ZNF892: variants seen among roughly 807,000 people sequenced by gnomAD.
The protein encoded by ZNF892 is zinc finger protein 570-like.
the ZNF892 span, among the ~76,000 whole-genome samples, chr2:95,210,329 A>G: frequency 6.6e-6 from 1 of 151,930 alleles, no homozygotes; most frequent in Non-Finnish European, 1.5e-5. Context: ...AAACTGATTC[A>G]TTTGCTAACC....
chr2:95,220,212 G>A, the ZNF892 span, among the ~76,000 whole-genome samples: 11 of 152,178 alleles, frequency 7.2e-5, no homozygotes, highest in African/African-American at 2.2e-4. Flanking sequence ...AAGTATAGGC[G>A]TTTGTTGGCG....
chr2:95,225,747 C>T, the ZNF892 span, among the ~76,000 whole-genome samples: 1 of 152,214 alleles, frequency 6.6e-6, no homozygotes, highest in African/African-American at 2.4e-5. Context: ...CCCAGAGTCT[C>T]ATCTAAAATC....
the ZNF892 span, among the ~76,000 whole-genome samples, chr2:95,225,405 C>T: frequency 1.6e-4 from 25 of 152,104 alleles, no homozygotes; most frequent in Admixed American, 4.6e-4. Context: ...CTGATGAGGC[C>T]CTCCTTGCAG....
At chr2:95,238,771 C>T in the ZNF892 span, among the ~76,000 whole-genome samples, 2 of 152,136 alleles carry the variant, frequency 1.3e-5, no homozygotes, top group South Asian at 4.1e-4. Flanking sequence ...TCATGGATGA[C>T]TTTGCAGGGT....
chr2:95,221,978 T>TCTTTCTTCCTCCCTTCTTC, the ZNF892 span, among the ~76,000 whole-genome samples: 4 of 152,140 alleles, frequency 2.6e-5, no homozygotes, highest in Non-Finnish European at 5.9e-5. Flanking sequence ...CACCCCTTTC[T>TCTTTCTTCCTCCCTTCTTC]CTTTCTTCCT....
chr2:95,257,938 G>A, the ZNF892 span, among the ~76,000 whole-genome samples: 30 of 152,318 alleles, frequency 2.0e-4, no homozygotes, highest in Admixed American at 1.8e-3. Flanking sequence ...TAGGGTGGGA[G>A]TGACCCTATT....
chr2:95,237,461 T>G, the ZNF892 span, among the ~76,000 whole-genome samples: 380 of 152,306 alleles, frequency 2.5e-3, 15 homozygotes, highest in East Asian at 0.07. Flanking sequence ...GATAAATGTG[T>G]GTTCTGACTG....
the ZNF892 span, among the ~76,000 whole-genome samples, chr2:95,261,231 A>T: frequency 6.6e-6 from 1 of 151,794 alleles, no homozygotes; most frequent in African/African-American, 2.4e-5. Flanking sequence ...GATGACTGAC[A>T]TTCCTTCCTC....
At chr2:95,240,759 G>T in the ZNF892 span, among the ~76,000 whole-genome samples, 1 of 152,222 alleles carries the variant, frequency 6.6e-6, no homozygotes, top group South Asian at 2.1e-4. Flanking sequence ...CCTGAGACAG[G>T]ACAGAGTTCC....
chr2:95,260,254 C>T, the ZNF892 span, among the ~76,000 whole-genome samples: 8 of 152,210 alleles, frequency 5.3e-5, no homozygotes, highest in Admixed American at 1.3e-4. Flanking sequence ...TCTAGTTCCT[C>T]CTGGGCGCCA....
chr2:95,224,792 G>A, the ZNF892 span, among the ~76,000 whole-genome samples: 2 of 152,212 alleles, frequency 1.3e-5, no homozygotes, highest in Non-Finnish European at 2.9e-5. Flanking sequence ...GGCCTAATGG[G>A]AGGTCAATGG....
At chr2:95,250,864 TAATA>T in the ZNF892 span, among the ~76,000 whole-genome samples, 99 of 147,018 alleles carry the variant, frequency 6.7e-4, no homozygotes, top group Middle Eastern at 4.7e-3. Context: ...AATGCTTAAA[TAATA>T]AATAAATATT....
chr2:95,208,769 G>C, the ZNF892 span: 2 of 398,470 alleles, frequency 5.0e-6, no homozygotes, highest in African/African-American at 4.1e-5. Flanking sequence ...TTTTCCTTCT[G>C]TTCTCAGAGC....
At chr2:95,243,131 C>T in the ZNF892 span, among the ~76,000 whole-genome samples, 8 of 152,332 alleles carry the variant, frequency 5.3e-5, no homozygotes, top group East Asian at 1.9e-4. Context: ...GGATTGCAGA[C>T]GGAGTCTCGT....
chr2:95,233,617 G>A, the ZNF892 span, among the ~76,000 whole-genome samples: 1 of 141,406 alleles, frequency 7.1e-6, no homozygotes, highest in Non-Finnish European at 1.5e-5. Flanking sequence ...AGCTTGCAGT[G>A]AGCTGAGATC....
At chr2:95,237,373 C>T in the ZNF892 span, among the ~76,000 whole-genome samples, 1 of 152,008 alleles carries the variant, frequency 6.6e-6, no homozygotes. Context: ...GTCTTGAACT[C>T]CAATCAGTGA....
At chr2:95,248,810 T>G in the ZNF892 span, among the ~76,000 whole-genome samples, 1 of 152,244 alleles carries the variant, frequency 6.6e-6, no homozygotes, top group Non-Finnish European at 1.5e-5. Flanking sequence ...CATTTAGGTT[T>G]CATCTTTTTC....
the ZNF892 span, among the ~76,000 whole-genome samples, chr2:95,261,032 G>A: frequency 6.6e-6 from 1 of 152,192 alleles, no homozygotes; most frequent in African/African-American, 2.4e-5. Context: ...TACATGGAGA[G>A]GGCTCACATT....
chr2:95,250,553 G>T, the ZNF892 span, among the ~76,000 whole-genome samples: 114,300 of 143,274 alleles, frequency 0.8, 45,999 homozygotes, highest in African/African-American at 0.87. Context: ...ATTTAAAATA[G>T]TCATAAATTA....
Sources: gnomAD v4.1 joint callset for allele counts (sites outside exome capture counted in the v4.1 genomes callset) on GRCh38, gnomAD v4.1.1 for gene constraint, MANE v1.5 for transcripts, NCBI Gene and HGNC (gene_info 2026-07-23, HGNC 2026-07-21) for gene names.